Variants in DPP10 observed in about 807,000 individuals in gnomAD.
DPP10 encodes inactive dipeptidyl peptidase 10.
Under a neutral mutation model 120.9 loss-of-function variants are expected in DPP10, and 33 were observed. The observed-to-expected ratio is 0.27, with a 90% CI of 0.21 to 0.37. The LOEUF (loss-of-function observed/expected upper bound fraction) is 0.37. Ranked by LOEUF, DPP10 falls within the 10% of genes least tolerant of loss-of-function variation. The pLI, the probability that DPP10 is intolerant of heterozygous loss-of-function variation, is 1.00. For synonymous variants in DPP10, 337 were observed against 326.1 expected (o/e 1.03, Z -0.36); for missense variants, 816 against 942.8 (o/e 0.87, Z 1.76).
chr2:114,713,755 C>A (rs1266390650), intron 1 of DPP10, among the ~76,000 whole-genome samples: 1 of 152,014 alleles, frequency 6.6e-6, no homozygotes, highest in African/African-American at 2.4e-5. Flanking sequence ...CTTAGGGAGG[C>A]AGAGGTGGGC....
intron 21 of DPP10, among the ~76,000 whole-genome samples, chr2:115,819,480 C>T (rs145900991): frequency 1.7e-4 from 26 of 152,210 alleles, no homozygotes; most frequent in African/African-American, 6.3e-4. Flanking sequence ...CATGTTCTTC[C>T]TTTATTGCTC....
At chr2:115,652,409 A>ATGTGTATGTGTGTGTGTG (rs1181566449) in intron 5 of DPP10, among the ~76,000 whole-genome samples, 2,171 of 145,522 alleles carry the variant, frequency 0.015, 57 homozygotes, top group African/African-American at 0.055. Context: ...TAGGATATAT[A>ATGTGTATGTGTGTGTGTG]TGTGTGTGTG....
chr2:114,749,334 G>A (rs1678957998), intron 1 of DPP10, among the ~76,000 whole-genome samples: 1 of 151,958 alleles, frequency 6.6e-6, no homozygotes. Flanking sequence ...TTTCTAACAT[G>A]AGCTGAAGAT....
chr2:115,634,388 G>T (rs2149328325), intron 5 of DPP10, among the ~76,000 whole-genome samples: 1 of 152,232 alleles, frequency 6.6e-6, no homozygotes, highest in South Asian at 2.1e-4. Flanking sequence ...GGGTTTTTTT[G>T]TGGGGACTTT....
At chr2:115,482,376 T>C (rs1343601361) in intron 3 of DPP10, among the ~76,000 whole-genome samples, 4 of 151,966 alleles carry the variant, frequency 2.6e-5, no homozygotes, top group Non-Finnish European at 5.9e-5. Flanking sequence ...TACCCATTTT[T>C]TCCTCCTTGT....
Position 115,768,356 on chromosome 2 carries a change from G to A in DPP10, c.1173G>A (p.Lys391=). The change falls in exon 13 of 26, where the codon AAG becomes AAA. Residue 391 remains lysine, a synonymous_variant. Transcript: ENST00000410059. ...GSKFFMTVPV[K]QGGRGEFHHV... ...AATTCTTTATGACAGTGCCTGTTAA[G>A]CAAGGGGGACGTGGAGAATTTCACC... 1 of 1,613,658 alleles carries A rather than the reference G, an allele frequency of 6.2e-7. No homozygotes were observed.
At chr2:115,582,566 T>A (rs1053217910) in intron 5 of DPP10, among the ~76,000 whole-genome samples, 3 of 152,226 alleles carry the variant, frequency 2.0e-5, no homozygotes, top group Non-Finnish European at 4.4e-5. Flanking sequence ...TCTCTTGCCC[T>A]GCTCATGTAT....
At chr2:115,483,654 A>G (rs896442863) in intron 3 of DPP10, among the ~76,000 whole-genome samples, 1 of 152,096 alleles carries the variant, frequency 6.6e-6, no homozygotes, top group Non-Finnish European at 1.5e-5. Context: ...GAAAACAACC[A>G]CAGCAATAAA....
chr2:115,373,795 A>G (rs78593282), intron 3 of DPP10, among the ~76,000 whole-genome samples: 1,669 of 151,780 alleles, frequency 0.011, 26 homozygotes, highest in African/African-American at 0.039. Context: ...TCACAGGCTT[A>G]ACAGGAATCA....
At chr2:114,660,768 T>C (rs1252157759) in intron 1 of DPP10, among the ~76,000 whole-genome samples, 1 of 152,238 alleles carries the variant, frequency 6.6e-6, no homozygotes, top group Non-Finnish European at 1.5e-5. Flanking sequence ...AATTTACAGT[T>C]TACTTGGCAG....
At chr2:114,557,366 T>C (rs1688409504) in intron 1 of DPP10, among the ~76,000 whole-genome samples, 2 of 152,104 alleles carry the variant, frequency 1.3e-5, no homozygotes, top group Admixed American at 1.3e-4. Context: ...AGGTGGGGCA[T>C]ATTGGAAACA....
intron 3 of DPP10, among the ~76,000 whole-genome samples, chr2:115,384,561 A>G (rs146339807): frequency 1.5e-4 from 2 of 13,530 alleles, no homozygotes; most frequent in African/African-American, 3.5e-4. Flanking sequence ...AAGAAGAGGA[A>G]GAAGAAGAAG....
intron 1 of DPP10, among the ~76,000 whole-genome samples, chr2:114,449,117 T>C (rs1158378928): frequency 6.6e-6 from 1 of 152,222 alleles, no homozygotes; most frequent in African/African-American, 2.4e-5. Context: ...AGAATCATAC[T>C]AATTTTTTGT....
intron 5 of DPP10, among the ~76,000 whole-genome samples, chr2:115,595,596 C>G (rs764236535): frequency 6.6e-6 from 1 of 151,842 alleles, no homozygotes; most frequent in African/African-American, 2.4e-5. Context: ...GAAATAATTC[C>G]CTTTAAATTT....
intron 5 of DPP10, among the ~76,000 whole-genome samples, chr2:115,603,092 TGAATG>T (rs1032269868): frequency 2.0e-5 from 3 of 151,184 alleles, no homozygotes; most frequent in African/African-American, 7.3e-5. Flanking sequence ...GTCAACATGC[TGAATG>T]TTATCATTTA....
intron 5 of DPP10, among the ~76,000 whole-genome samples, chr2:115,532,211 G>A (rs1041504495): frequency 6.6e-6 from 1 of 152,026 alleles, no homozygotes; most frequent in Non-Finnish European, 1.5e-5. Flanking sequence ...GTGGAAGTGT[G>A]TTTATCAATG....
chr2:115,253,609 G>A (rs566887238), intron 1 of DPP10, among the ~76,000 whole-genome samples: 2 of 152,260 alleles, frequency 1.3e-5, no homozygotes, highest in African/African-American at 4.8e-5. Flanking sequence ...GGGGCCCTAG[G>A]TCCCATGCGA....
intron 1 of DPP10, among the ~76,000 whole-genome samples, chr2:114,952,730 C>A: frequency 6.6e-6 from 1 of 152,116 alleles, no homozygotes; most frequent in East Asian, 1.9e-4. Flanking sequence ...AAAAAATACA[C>A]ACAAGATATA....
At chr2:114,512,981 G>C (rs115598304) in intron 1 of DPP10, among the ~76,000 whole-genome samples, 32 of 152,200 alleles carry the variant, frequency 2.1e-4, no homozygotes, top group African/African-American at 7.7e-4. Context: ...GCATTTTACT[G>C]CTTGGAATAC....
Sources: gnomAD v4.1 joint callset for allele counts (sites outside exome capture counted in the v4.1 genomes callset) on GRCh38, gnomAD v4.1.1 for gene constraint, MANE v1.5 for transcripts, NCBI Gene and HGNC (gene_info 2026-07-23, HGNC 2026-07-21) for gene names.